Variants in WDR70 observed in about 807,000 individuals in gnomAD.
The protein encoded by WDR70 is WD repeat-containing protein 70.
Under a neutral mutation model 88.6 loss-of-function variants are expected in WDR70, and 53 were observed. The ratio of observed to expected loss-of-function variants is 0.60; its 90% CI spans 0.48 to 0.75. WDR70 has a LOEUF of 0.75. Ranked by LOEUF, WDR70 falls within the 30% of genes least tolerant of loss-of-function variation. The pLI is 0.00. For missense variants in WDR70, 610 were observed against 823.2 expected, an observed-to-expected ratio of 0.74 and a Z score of 3.17; for synonymous variants, 280 against 270.0, an observed-to-expected ratio of 1.04 and a Z score of -0.36.
chr5:37,561,267 A>G (rs932284657), intron 9 of WDR70, among the ~76,000 whole-genome samples: 40 of 152,184 alleles, frequency 2.6e-4, no homozygotes, highest in Admixed American at 2.4e-3. Flanking sequence ...ACTTCTTGGT[A>G]TCCTCTATCC....
At chr5:37,470,774 G>C (rs1739303692) in intron 7 of WDR70, among the ~76,000 whole-genome samples, 1 of 152,058 alleles carries the variant, frequency 6.6e-6, no homozygotes, top group Non-Finnish European at 1.5e-5. Flanking sequence ...TAGTTTTTCT[G>C]TGAACATTCT....
intron 8 of WDR70, among the ~76,000 whole-genome samples, chr5:37,488,781 A>G (rs915534970): frequency 6.6e-6 from 1 of 151,984 alleles, no homozygotes; most frequent in Non-Finnish European, 1.5e-5. Flanking sequence ...TTTTTTTCAG[A>G]CATTTCATAT....
At chr5:37,593,754 A>G (rs1743610437) in intron 9 of WDR70, among the ~76,000 whole-genome samples, 1 of 152,190 alleles carries the variant, frequency 6.6e-6, no homozygotes, top group Non-Finnish European at 1.5e-5. Context: ...GAACTAGTTT[A>G]CGGTCCCACC....
At chr5:37,529,457 G>C (rs894126533) in intron 9 of WDR70, among the ~76,000 whole-genome samples, 11 of 152,150 alleles carry the variant, frequency 7.2e-5, no homozygotes, top group Non-Finnish European at 1.0e-4. Flanking sequence ...CCATGAGCAT[G>C]GGGAGTGTTT....
At chr5:37,562,896 CT>C (rs1742560064) in intron 9 of WDR70, among the ~76,000 whole-genome samples, 1 of 151,398 alleles carries the variant, frequency 6.6e-6, no homozygotes, top group Non-Finnish European at 1.5e-5. Context: ...TTTTCCCCAC[CT>C]TTCCCCCCTT....
chr5:37,595,160 A>G (rs1743664606), intron 9 of WDR70, among the ~76,000 whole-genome samples: 1 of 152,212 alleles, frequency 6.6e-6, no homozygotes, highest in African/African-American at 2.4e-5. Context: ...TGCCCTGGCC[A>G]GAACTTCCAA....
chr5:37,534,157 A>G (rs1741584624), intron 9 of WDR70, among the ~76,000 whole-genome samples: 1 of 152,158 alleles, frequency 6.6e-6, no homozygotes, highest in Non-Finnish European at 1.5e-5. Flanking sequence ...AGTTCTGCTC[A>G]ATACTGTTCA....
At chr5:37,422,819 G>GT (rs1749987123) in intron 5 of WDR70, among the ~76,000 whole-genome samples, 1 of 151,828 alleles carries the variant, frequency 6.6e-6, no homozygotes, top group Admixed American at 6.6e-5. Context: ...TAGAAACGGG[G>GT]TTTTGCCATG....
At chr5:37,398,083 G>A (rs1321323647) in intron 5 of WDR70, among the ~76,000 whole-genome samples, 1 of 133,672 alleles carries the variant, frequency 7.5e-6, no homozygotes, top group African/African-American at 2.7e-5. Context: ...ACTTGGGGTA[G>A]ATAATTTTTT....
intron 9 of WDR70, among the ~76,000 whole-genome samples, chr5:37,579,822 T>C (rs181628496): frequency 6.2e-4 from 95 of 152,268 alleles, no homozygotes; most frequent in Middle Eastern, 3.4e-3. Context: ...CCAAACATTT[T>C]ATATTATGTT....
At chr5:37,678,252 G>T (rs1746300907) in intron 10 of WDR70, among the ~76,000 whole-genome samples, 1 of 152,110 alleles carries the variant, frequency 6.6e-6, no homozygotes, top group Admixed American at 6.5e-5. Flanking sequence ...ATATTGTTAT[G>T]TGTGAATTTG....
At chr5:37,384,988 C>A (rs1055416601) in intron 3 of WDR70, among the ~76,000 whole-genome samples, 1 of 152,188 alleles carries the variant, frequency 6.6e-6, no homozygotes, top group Non-Finnish European at 1.5e-5. Flanking sequence ...GTTCCCATGA[C>A]CGCTCTTTTT....
intron 7 of WDR70, among the ~76,000 whole-genome samples, chr5:37,455,426 G>T (rs1171224417): frequency 6.6e-6 from 1 of 151,404 alleles, no homozygotes; most frequent in Non-Finnish European, 1.5e-5. Context: ...ATTTTTAGTA[G>T]AGACGGGGTT....
intron 10 of WDR70, among the ~76,000 whole-genome samples, chr5:37,643,194 C>T (rs1486744294): frequency 1.3e-5 from 2 of 152,034 alleles, no homozygotes; most frequent in African/African-American, 4.8e-5. Context: ...TTTCATTCTT[C>T]TGTATATGGA....
intron 8 of WDR70, among the ~76,000 whole-genome samples, chr5:37,491,007 G>A (rs576339043): frequency 6.6e-6 from 1 of 152,130 alleles, no homozygotes; most frequent in African/African-American, 2.4e-5. Context: ...CCATGCTGCA[G>A]GTGCTTGGGT....
intron 10 of WDR70, among the ~76,000 whole-genome samples, chr5:37,661,159 A>G (rs1461210617): frequency 6.6e-6 from 1 of 152,214 alleles, no homozygotes; most frequent in Non-Finnish European, 1.5e-5. Flanking sequence ...TTTCTTAATC[A>G]CAGTAGCCGT....
chr5:37,564,353 G>A (rs966691075), intron 9 of WDR70, among the ~76,000 whole-genome samples: 3 of 152,224 alleles, frequency 2.0e-5, no homozygotes, highest in Admixed American at 1.3e-4. Context: ...GCGAAACCCC[G>A]TCTCCACCAA....
intron 8 of WDR70, among the ~76,000 whole-genome samples, chr5:37,499,544 A>G (rs1740332968): frequency 7.0e-6 from 1 of 142,182 alleles, no homozygotes; most frequent in South Asian, 2.2e-4. Flanking sequence ...AAATATATAT[A>G]TTCTCAACTT....
At chr5:37,561,996 G>A (rs1742520949) in intron 9 of WDR70, among the ~76,000 whole-genome samples, 1 of 152,184 alleles carries the variant, frequency 6.6e-6, no homozygotes, top group South Asian at 2.1e-4. Flanking sequence ...GTCTACATAT[G>A]AGGAGGTGAC....
Sources: gnomAD v4.1 joint callset for allele counts (sites outside exome capture counted in the v4.1 genomes callset) on GRCh38, gnomAD v4.1.1 for gene constraint, MANE v1.5 for transcripts, NCBI Gene and HGNC (gene_info 2026-07-23, HGNC 2026-07-21) for gene names.